The following PKIG variants were observed in gnomAD, a reference collection of about 807,000 sequenced individuals.
PKIG encodes the protein protein kinase (cAMP-dependent, catalytic) inhibitor gamma.
A neutral mutation model predicts 6.8 loss-of-function variants in PKIG; 1 was observed. The observed-to-expected ratio is 0.15, with a 90% CI of 0.05 to 0.69. PKIG has a LOEUF of 0.69. Ranked by LOEUF, PKIG falls within the 30% of genes least tolerant of loss-of-function variation. The probability of loss-of-function intolerance (pLI) is 0.82; values close to 1 mark genes in which losing one functional copy is unlikely to be tolerated. For missense variants in PKIG, 77 were observed against 104.0 expected (o/e 0.74, Z 1.13); for synonymous variants, 39 against 43.0 (o/e 0.91, Z 0.36).
chr20:44,576,645 C>G (rs750791136), intron 1 of PKIG, among the ~76,000 whole-genome samples: 49 of 152,180 alleles, frequency 3.2e-4, no homozygotes, highest in African/African-American at 1.2e-3. Flanking sequence ...TTCTCTGGAT[C>G]TGGCATTCCT....
At chr20:44,543,444 G>A (rs997953285) in intron 1 of PKIG, among the ~76,000 whole-genome samples, 2 of 151,932 alleles carry the variant, frequency 1.3e-5, no homozygotes, top group African/African-American at 2.4e-5. Flanking sequence ...TTTGAAGACC[G>A]CATGCCCTGT....
chr20:44,551,073 T>G (rs1456701918), intron 1 of PKIG, among the ~76,000 whole-genome samples: 1 of 152,150 alleles, frequency 6.6e-6, no homozygotes, highest in Non-Finnish European at 1.5e-5. Context: ...TTTTCCTGTT[T>G]TTTTTTTGAG....
chr20:44,594,662 C>G (rs927425111), intron 2 of PKIG, among the ~76,000 whole-genome samples: 10 of 152,200 alleles, frequency 6.6e-5, no homozygotes, highest in African/African-American at 2.4e-4. Flanking sequence ...TTGCCTCCCC[C>G]ATTCCCACCC....
intron 2 of PKIG, among the ~76,000 whole-genome samples, chr20:44,613,948 C>T (rs2065241321): frequency 6.6e-6 from 1 of 152,202 alleles, no homozygotes; most frequent in African/African-American, 2.4e-5. Context: ...CTTCCAAGCC[C>T]TCATGCCTCC....
chr20:44,592,350 C>T (rs2065040643), intron 2 of PKIG, among the ~76,000 whole-genome samples: 1 of 152,156 alleles, frequency 6.6e-6, no homozygotes, highest in Non-Finnish European at 1.5e-5. Context: ...ACAGAGGAAT[C>T]AAGGGACAGC....
chr20:44,561,502 G>A (rs975119671), intron 1 of PKIG, among the ~76,000 whole-genome samples: 3 of 152,176 alleles, frequency 2.0e-5, no homozygotes, highest in African/African-American at 7.2e-5. Flanking sequence ...CTAGAAGATA[G>A]AAGAAAATTC....
intron 2 of PKIG, among the ~76,000 whole-genome samples, chr20:44,609,390 GT>G (rs2065193675): frequency 6.6e-6 from 1 of 152,182 alleles, no homozygotes; most frequent in Non-Finnish European, 1.5e-5. Flanking sequence ...CCATCCCATG[GT>G]GTCAGGTCCT....
intron 1 of PKIG, among the ~76,000 whole-genome samples, chr20:44,545,864 C>CAAGTATCATTCCAGTAAAAACTGAA (rs1251797649): frequency 1.3e-5 from 2 of 152,006 alleles, no homozygotes; most frequent in African/African-American, 4.8e-5. Context: ...GAACACTTCA[C>CAAGTATCATTCCAGTAAAAACTGAA]AAGTATCATT....
At chr20:44,553,115 T>G (rs1165503703) in intron 1 of PKIG, among the ~76,000 whole-genome samples, 3 of 152,170 alleles carry the variant, frequency 2.0e-5, no homozygotes, top group Non-Finnish European at 4.4e-5. Flanking sequence ...TCTTTCTCAT[T>G]TTTCTTCCCA....
intron 1 of PKIG, among the ~76,000 whole-genome samples, chr20:44,539,946 A>G (rs1054330387): frequency 6.6e-6 from 1 of 151,938 alleles, no homozygotes; most frequent in Non-Finnish European, 1.5e-5. Context: ...TTGACTGATT[A>G]CATCTATTTA....
chr20:44,568,302 A>G (rs879763023), intron 1 of PKIG, among the ~76,000 whole-genome samples: 1 of 152,190 alleles, frequency 6.6e-6, no homozygotes, highest in Non-Finnish European at 1.5e-5. Flanking sequence ...AGTGTAAAAT[A>G]CTATTTTATA....
At chr20:44,537,212 C>G (rs1218616832) in intron 1 of PKIG, among the ~76,000 whole-genome samples, 2 of 152,228 alleles carry the variant, frequency 1.3e-5, no homozygotes, top group Non-Finnish European at 1.5e-5. Flanking sequence ...TCAAGCGATT[C>G]TCATGCCTCA....
intron 1 of PKIG, among the ~76,000 whole-genome samples, chr20:44,542,438 T>G (rs2064570850): frequency 6.6e-6 from 1 of 152,168 alleles, no homozygotes; most frequent in Admixed American, 6.5e-5. Flanking sequence ...AGCTGATGGT[T>G]TAATCTTGAT....
intron 1 of PKIG, among the ~76,000 whole-genome samples, chr20:44,563,048 T>TA (rs946884988): frequency 7.3e-5 from 11 of 151,180 alleles, no homozygotes; most frequent in African/African-American, 1.5e-4. Context: ...AGACTCCATT[T>TA]AAAAAAAAAC....
chr20:44,558,772 T>G (rs2064742282), intron 1 of PKIG, among the ~76,000 whole-genome samples: 1 of 151,396 alleles, frequency 6.6e-6, no homozygotes, highest in Non-Finnish European at 1.5e-5. Context: ...CTTTCTTTCT[T>G]ACAGGGTCTT....
rs1459312278 is a variant in PKIG, at chr20:44,589,871, G to GT, written c.-24+6dup. ...AGGAAAAAGAAATTAAACCAGGTAGGTAGTGGCACTGTTCATACTCTACTG... is the reference window on the plus strand; with the variant it reads ...AGGAAAAAGAAATTAAACCAGGTAGGTTAGTGGCACTGTTCATACTCTACTG... On this transcript the variant is annotated splice_donor_region_variant and intron_variant, in intron 2 of 3. Transcript: ENST00000372886. 6.6e-6 allele frequency: 1 copy of GT among 152,350 alleles called. No individual in the cohort carries two copies. The highest frequency in any genetic ancestry group is 1.5e-5 in the Non-Finnish European group (1 of 68,036). The allele number at this position is 152,350 out of a possible 1,614,324, so 9.4% of individuals were successfully genotyped here.
intron 1 of PKIG, among the ~76,000 whole-genome samples, chr20:44,588,029 C>T (rs1443618008): frequency 6.6e-6 from 1 of 152,160 alleles, no homozygotes; most frequent in Non-Finnish European, 1.5e-5. Context: ...GAAAAAAAGA[C>T]TCAGATAACA....
intron 1 of PKIG, among the ~76,000 whole-genome samples, chr20:44,533,711 G>C (rs2064488057): frequency 6.6e-6 from 1 of 152,114 alleles, no homozygotes; most frequent in South Asian, 2.1e-4. Flanking sequence ...ATTATTCAGG[G>C]CTACTGCATT....
At chr20:44,583,606 A>C (rs1452120164) in intron 1 of PKIG, among the ~76,000 whole-genome samples, 2 of 152,186 alleles carry the variant, frequency 1.3e-5, no homozygotes, top group African/African-American at 4.8e-5. Flanking sequence ...AGCTAACGGG[A>C]AGATTTCAGC....
Sources: allele counts gnomAD v4.1 joint callset (sites outside exome capture counted in the v4.1 genomes callset), GRCh38; gene constraint gnomAD v4.1.1; transcripts MANE v1.5; gene names NCBI Gene and HGNC (gene_info 2026-07-23, HGNC 2026-07-21).